The following NAPG variants were observed in gnomAD, a reference collection of about 807,000 sequenced individuals.
The protein encoded by NAPG is NSF attachment protein gamma.
Under a neutral mutation model 48.4 loss-of-function variants are expected in NAPG, and 25 were observed. The ratio of observed to expected loss-of-function variants is 0.52; its 90% confidence interval spans 0.38 to 0.72. The LOEUF (loss-of-function observed/expected upper bound fraction) is 0.72, where lower values mean the gene tolerates loss of function less well. Ranked by LOEUF, NAPG falls within the 30% of genes least tolerant of loss-of-function variation. The probability of loss-of-function intolerance (pLI) is 0.00; values close to 1 mark genes in which losing one functional copy is unlikely to be tolerated. For synonymous variants in NAPG, 139 were observed against 127.2 expected, an observed-to-expected ratio of 1.09 and a Z score of -0.62; for missense variants, 359 against 372.5, an observed-to-expected ratio of 0.96 and a Z score of 0.30.
intron 1 of NAPG, among the ~76,000 whole-genome samples, chr18:10,529,488 T>A (rs2031884993): frequency 1.3e-5 from 2 of 152,230 alleles, no homozygotes; most frequent in Non-Finnish European, 2.9e-5. Flanking sequence ...GTACAGTGGC[T>A]CATGCCGGTA....
chr18:10,535,860 A>G (rs1336580540), intron 5 of NAPG, among the ~76,000 whole-genome samples: 1 of 152,216 alleles, frequency 6.6e-6, no homozygotes, highest in African/African-American at 2.4e-5. Flanking sequence ...CTGGCCAAAC[A>G]TGCAACTGAA....
intron 5 of NAPG, among the ~76,000 whole-genome samples, chr18:10,536,755 C>T (rs1486030324): frequency 1.3e-5 from 2 of 152,138 alleles, no homozygotes; most frequent in Non-Finnish European, 2.9e-5. Context: ...AAACTCATGA[C>T]GAATAGTTCC....
intron 1 of NAPG, 80 bp downstream of exon 1, chr18:10,526,238 G>GCCCTTCCCCC: frequency 2.3e-6 from 2 of 858,060 alleles, no homozygotes; most frequent in Non-Finnish European, 3.8e-6. Flanking sequence ...CCCGGGGGGG[G>GCCCTTCCCCC]CGGGAGGGAG....
At chr18:10,549,245 G>A in intron 11 of NAPG, 149 bp downstream of exon 11, 2 of 889,070 alleles carry the variant, frequency 2.2e-6, no homozygotes, top group Non-Finnish European at 3.4e-6. Context: ...CTGACCACTT[G>A]CATTGAATTT....
In NAPG at chr18:10,527,024, TAAA is replaced by T. The variant is rs1434057468; in HGVS notation, c.56+869_56+871del. Among the ~76,000 whole-genome samples, 3 of 151,362 alleles carry T rather than the reference TAAA, an allele frequency of 2.0e-5. No individual in the cohort carries two copies. In the East Asian group the frequency reaches 5.8e-4, roughly 29 times the overall value. Reference sequence around the variant, plus strand: ...CTAACACGGTGAAAACCGTCTCTACTAAAAATACAAAAAATTAGCCGGGCGTGG... The same window carrying T: ...CTAACACGGTGAAAACCGTCTCTACTAATACAAAAAATTAGCCGGGCGTGG... On this transcript the variant is annotated intron_variant, in intron 1 of 11. Coordinates refer to ENST00000322897, the MANE Select transcript of NAPG (RefSeq NM_003826.3).
rs563608571 is a variant in NAPG at position 10,537,811 on chromosome 18, A to G, written c.259-1951A>G. 2.0e-5 allele frequency among the ~76,000 whole-genome samples: 3 copies of G among 152,310 alleles called. No individual in the cohort carries two copies. The East Asian group carries it at 5.8e-4, about 29-fold the overall frequency. ...TTAGCATTTCATTCTGCTTGAGTGA[A>G]TGATAGCAGTCTTATTTCATACAGT... is the stretch of plus-strand genomic sequence containing the variant. On this transcript the variant is annotated intron_variant, in intron 5 of 11. Transcript: ENST00000322897.
chr18:10,531,791 C>G (rs2031933346), intron 2 of NAPG, among the ~76,000 whole-genome samples: 1 of 152,198 alleles, frequency 6.6e-6, no homozygotes, highest in African/African-American at 2.4e-5. Context: ...GATTTGTTTT[C>G]TGCCCCTCTG....
At chr18:10,537,599 T>A (rs2032062502) in intron 5 of NAPG, among the ~76,000 whole-genome samples, 1 of 152,164 alleles carries the variant, frequency 6.6e-6, no homozygotes, top group Non-Finnish European at 1.5e-5. Flanking sequence ...AAGGTTCAGT[T>A]GTATTCTTTA....
At position 10,545,895 on chromosome 18, in the gene NAPG, C is replaced by T. The variant is rs1022116466; in HGVS notation, c.507-431C>T. On this transcript the variant is annotated intron_variant, in intron 8 of 11. Transcript: ENST00000322897. ...CTTGCTAGGGCCACTGGGGCAGCAG[C>T]GGAGTATGTGATGGAGGGACACAGT... 4.6e-5 allele frequency among the ~76,000 whole-genome samples: 7 copies of T among 152,126 alleles called. No individual in the cohort carries two copies. In the East Asian group the frequency reaches 5.8e-4, roughly 13 times the overall value.
chr18:10,551,636 CTG>C lies in NAPG; in HGVS notation c.*1418_*1419del, dbSNP rs2032397381. Reference sequence around the variant, plus strand: ...ATTCCTGCTCATCCATGCCCTGTCTCTGTCTCTTTTAGAGTCATACCTTATTT... The same window carrying C: ...ATTCCTGCTCATCCATGCCCTGTCTCTCTCTTTTAGAGTCATACCTTATTT... On this transcript the variant is annotated 3_prime_UTR_variant, in exon 12 of 12. Coordinates refer to ENST00000322897, the MANE Select transcript of NAPG (RefSeq NM_003826.3). 1 of 152,170 alleles carries C rather than the reference CTG, an allele frequency of 6.6e-6. No individual in the cohort carries two copies. Among genetic ancestry groups the C allele is most frequent in the Admixed American group, 6.5e-5 (1 of 15,282 alleles). 9.4% of individuals were successfully genotyped at this position (152,170 alleles called of 1,614,324 possible). A position where few individuals can be genotyped will look rare whatever the true frequency, so the allele number is the denominator to read the frequency against.
In NAPG at chr18:10,543,717, A is replaced by G. The variant is rs184133142; in HGVS notation, c.507-2609A>G. On this transcript the variant is annotated intron_variant, in intron 8 of 11. Transcript: ENST00000322897. The surrounding 1 kb of genome is among the most constrained non-coding windows in gnomAD (Gnocchi z 4.4). ...CATTTGGGGAAGATAAAAACAATTT[A>G]TTCTTTTTTCAGCAAAACCAAATTC... Among the ~76,000 whole-genome samples the G allele has an allele frequency of 1.4e-4, 22 of 152,324 alleles. No individual in the cohort carries two copies. The highest frequency in any genetic ancestry group is 1.4e-3 in the Admixed American group (22 of 15,306).
rs540373927 is a variant in NAPG at position 10,551,499 on chromosome 18, A to G, written c.*1279A>G. 23 of 152,324 alleles carry G rather than the reference A, an allele frequency of 1.5e-4. No homozygotes were observed. Among genetic ancestry groups the G allele is most frequent in the Admixed American group, 1.1e-3 (17 of 15,296 alleles). The allele number at this position is 152,324 out of a possible 1,614,324, so 9.4% of individuals were successfully genotyped here. On this transcript the variant is annotated 3_prime_UTR_variant, in exon 12 of 12. Coordinates refer to ENST00000322897, the MANE Select transcript of NAPG (RefSeq NM_003826.3). The stretch of plus-strand genomic sequence containing the variant: ...TATTTCCTAAAATGCTGTTTTCGAA[A>G]CATTCCTTTTTCACCCTGTTGTGTG...
intron 1 of NAPG, among the ~76,000 whole-genome samples, chr18:10,529,085 C>A (rs926779741): frequency 6.6e-6 from 1 of 152,168 alleles, no homozygotes; most frequent in Non-Finnish European, 1.5e-5. Context: ...TATCTTTCTT[C>A]CTTATTAGTG....
chr18:10,540,191 AG>A, intron 7 of NAPG, 137 bp downstream of exon 7: 1 of 1,048,894 alleles, frequency 9.5e-7, no homozygotes, highest in South Asian at 1.6e-5. Flanking sequence ...TTTCTGTTAG[AG>A]AGTAGTGAAA....
At chr18:10,536,933 C>G (rs1475989339) in intron 5 of NAPG, among the ~76,000 whole-genome samples, 1 of 151,588 alleles carries the variant, frequency 6.6e-6, no homozygotes, top group African/African-American at 2.4e-5. Context: ...CTTTTTACTC[C>G]CCAAAAACTT....
chr18:10,530,912 C>A, intron 2 of NAPG, 75 bp downstream of exon 2: 2 of 1,147,320 alleles, frequency 1.7e-6, no homozygotes, highest in Non-Finnish European at 1.2e-6. Context: ...CACCATAATA[C>A]TTACTCATAT....
chr18:10,532,604 A>G (rs2031949985), intron 2 of NAPG, 107 bp from the exon 3 acceptor site: 4 of 779,836 alleles, frequency 5.1e-6, no homozygotes, highest in Admixed American at 3.0e-5. Context: ...CTTCCTAAGT[A>G]TTTGAAGTAA....
rs547443940 is a variant in NAPG, at chr18:10,534,301, G to A, written c.228-165G>A. 4.6e-5 allele frequency among the ~76,000 whole-genome samples: 7 copies of A among 152,212 alleles called. No homozygotes were observed. The highest frequency in any genetic ancestry group is 8.8e-5 in the Non-Finnish European group (6 of 68,000). ...TAAGCCATTATTCCCCACAAAAAAA[G>A]AATAAAAAATTATATTGTGTGGTAA... On this transcript the variant is annotated intron_variant, in intron 4 of 11. Coordinates refer to ENST00000322897, the MANE Select transcript of NAPG (RefSeq NM_003826.3). This position sits in a 1 kb window ranked among gnomAD's most constrained non-coding sequence, Gnocchi z 5.0.
rs1388285186 is a variant in NAPG at position 10,551,989 on chromosome 18, T to C, written c.*1769T>C. ...TGCAGTGTTTCAAAGATCCCATCAT[T>C]GCAGCTTGTATCCTTTAGATCCAAT... On this transcript the variant is annotated 3_prime_UTR_variant, in exon 12 of 12. Coordinates refer to ENST00000322897, the MANE Select transcript of NAPG (RefSeq NM_003826.3). The C allele has an allele frequency of 5.9e-5, 9 of 152,240 alleles. No individual in the cohort carries two copies. The highest frequency in any genetic ancestry group is 1.3e-4 in the Non-Finnish European group (9 of 68,042). The allele number at this position is 152,240 out of a possible 1,614,324, so 9.4% of individuals were successfully genotyped here.
Sources: allele counts gnomAD v4.1 joint callset (sites outside exome capture counted in the v4.1 genomes callset), GRCh38; gene constraint gnomAD v4.1.1; non-coding constraint Gnocchi (gnomAD v3.1); transcripts MANE v1.5; gene names NCBI Gene and HGNC (gene_info 2026-07-23, HGNC 2026-07-21).